Variants in NUP160 observed in about 807,000 individuals in gnomAD.
NUP160 encodes nuclear pore complex protein Nup160.
In NUP160, 94 loss-of-function variants were observed where a neutral mutation model predicts 196.9. The observed-to-expected ratio is 0.48, with a 90% CI of 0.40 to 0.57. NUP160 has a LOEUF of 0.57. NUP160 is among the 20% of genes least tolerant of loss of function. NUP160 has a pLI of 0.00. For synonymous variants in NUP160, 605 were observed against 619.7 expected, an observed-to-expected ratio of 0.98 and a Z score of 0.35; for missense variants, 1,638 against 1,748.3, an observed-to-expected ratio of 0.94 and a Z score of 1.13.
At chr11:47,837,080 A>G in intron 5 of NUP160, 79 bp from the exon 6 acceptor site, 1 of 750,068 alleles carries the variant, frequency 1.3e-6, no homozygotes, top group South Asian at 1.7e-5. Flanking sequence ...AAGAAATATA[A>G]TAAAATTATA....
chr11:47,818,232 CTTCTATATGTGGGCAATAACA>C lies in NUP160; in HGVS notation c.1363-129_1363-109del. ...ACTATATGAACATTGCCATTTTGCCCTTCTATATGTGGGCAATAACAGTAGTGCGGTTACATGTTTTCACAC... is the reference window on the plus strand; with the variant it reads ...ACTATATGAACATTGCCATTTTGCCCGTAGTGCGGTTACATGTTTTCACAC... On this transcript the variant is annotated intron_variant, in intron 10 of 35. Transcript: ENST00000378460. 3 of 706,194 alleles carry C rather than the reference CTTCTATATGTGGGCAATAACA, an allele frequency of 4.2e-6. No individual in the cohort carries two copies. In the South Asian group the frequency reaches 5.0e-5, roughly 12 times the overall value. The allele number at this position is 706,194 out of a possible 1,614,324, so 43.7% of individuals were successfully genotyped here. A position where few individuals can be genotyped will look rare whatever the true frequency, so the allele number is the denominator to read the frequency against.
chr11:47,801,795 C>T lies in NUP160; in HGVS notation c.2895+16G>A, dbSNP rs369790346. On this transcript the variant is annotated intron_variant, in intron 23 of 35. Transcript: ENST00000378460. The stretch of plus-strand genomic sequence containing the variant: ...TTACACAGGGTGGTATAAGGCCAAA[C>T]CAAGACATGATGTACCTTGTCATAA... The T allele has an allele frequency of 2.5e-6, 4 of 1,612,236 alleles. No individual in the cohort carries two copies. In the African/African-American group the frequency reaches 5.3e-5, roughly 22 times the overall value.
At chr11:47,827,163 T>C (rs1183446055) in intron 7 of NUP160, 1 of 455,810 alleles carries the variant, frequency 2.2e-6, no homozygotes, top group Non-Finnish European at 4.4e-6. Flanking sequence ...ACTCAGGAGT[T>C]TGAGACCAGG....
At chr11:47,786,830 C>T (rs2097664793) in intron 31 of NUP160, among the ~76,000 whole-genome samples, 1 of 151,984 alleles carries the variant, frequency 6.6e-6, no homozygotes, top group Non-Finnish European at 1.5e-5. Flanking sequence ...GCTCTGTCAC[C>T]CAGGCTGCAG....
At chr11:47,791,788 C>A in intron 29 of NUP160, 142 bp downstream of exon 29, 1 of 592,432 alleles carries the variant, frequency 1.7e-6, no homozygotes, top group Non-Finnish European at 2.9e-6. Context: ...TTGTGTTTTA[C>A]AAGGGCAACT....
At chr11:47,785,798 TAATTTAGGGGTTGAAAACTAATGTCAG>T (rs1408402203) in intron 32 of NUP160, among the ~76,000 whole-genome samples, 2 of 152,240 alleles carry the variant, frequency 1.3e-5, no homozygotes, top group East Asian at 3.8e-4. Flanking sequence ...TCTGATGTGC[TAATTTAGGGGTTGAAAACTAATGTCAG>T]AGAACTTCCA....
intron 2 of NUP160, among the ~76,000 whole-genome samples, chr11:47,843,456 T>C (rs1308639646): frequency 2.6e-5 from 4 of 152,216 alleles, no homozygotes; most frequent in African/African-American, 9.6e-5. Context: ...CTCACTTCAG[T>C]TACTCCTTCT....
At chr11:47,845,664 A>G (rs968032434) in intron 2 of NUP160, among the ~76,000 whole-genome samples, 4 of 152,106 alleles carry the variant, frequency 2.6e-5, no homozygotes, top group African/African-American at 9.7e-5. Flanking sequence ...CTGTTCCCTA[A>G]AAACGGACTG....
chr11:47,821,907 G>C, intron 8 of NUP160, 86 bp from the exon 9 acceptor site: 8 of 1,127,814 alleles, frequency 7.1e-6, no homozygotes, highest in Non-Finnish European at 1.1e-5. Context: ...AGTAGGAGAG[G>C]TAAATGTATG....
intron 17 of NUP160, among the ~76,000 whole-genome samples, chr11:47,811,136 A>G (rs765585496): frequency 6.6e-6 from 1 of 152,194 alleles, no homozygotes; most frequent in Non-Finnish European, 1.5e-5. Context: ...AATGAAAAAG[A>G]AAGCACAGAA....
intron 2 of NUP160, among the ~76,000 whole-genome samples, chr11:47,845,872 C>A (rs1852391151): frequency 6.6e-6 from 1 of 152,112 alleles, no homozygotes; most frequent in African/African-American, 2.4e-5. Context: ...GTGGCTTACG[C>A]CTGTAATCCT....
At chr11:47,783,376 GA>G (rs374318157) in intron 33 of NUP160, among the ~76,000 whole-genome samples, 178 bp from the exon 34 acceptor site, 14 of 145,508 alleles carry the variant, frequency 9.6e-5, no homozygotes, top group Middle Eastern at 3.6e-3. Flanking sequence ...GGGGAGTTAG[GA>G]AAAAAAAAAA....
intron 17 of NUP160, among the ~76,000 whole-genome samples, chr11:47,811,608 G>A (rs1227019614): frequency 6.6e-6 from 1 of 152,060 alleles, no homozygotes; most frequent in Non-Finnish European, 1.5e-5. Context: ...GAGCCAACTT[G>A]GGAAAATTTT....
chr11:47,783,010 C>T (rs920897453), intron 34 of NUP160, 63 bp downstream of exon 34: 3 of 1,399,656 alleles, frequency 2.1e-6, no homozygotes, highest in Non-Finnish European at 3.0e-6. Flanking sequence ...TTTCAAACCA[C>T]TGTAAAGTTG....
intron 2 of NUP160, among the ~76,000 whole-genome samples, chr11:47,844,558 A>C (rs1852364303): frequency 1.3e-5 from 2 of 152,102 alleles, no homozygotes; most frequent in Non-Finnish European, 2.9e-5. Flanking sequence ...CTCCACCTGA[A>C]ATACTCATTC....
At chr11:47,812,245 G>C in intron 16 of NUP160, 21 bp from the exon 17 acceptor site, 1 of 1,613,776 alleles carries the variant, frequency 6.2e-7, no homozygotes, top group Non-Finnish European at 8.5e-7. Context: ...AAGAAAAATG[G>C]AGTTGAATGC....
chr11:47,798,956 AAAGC>A (rs1322278074), intron 23 of NUP160, among the ~76,000 whole-genome samples: 1 of 151,950 alleles, frequency 6.6e-6, no homozygotes, highest in Non-Finnish European at 1.5e-5. Context: ...AAAAAAAAAA[AAAGC>A]AAGCTTGTTG....
intron 2 of NUP160, 57 bp from the exon 3 acceptor site, chr11:47,840,645 A>G (rs1852277496): frequency 7.5e-7 from 1 of 1,341,626 alleles, no homozygotes; most frequent in Non-Finnish European, 1.0e-6. Flanking sequence ...TGACTGTTCT[A>G]CTGAAATATA....
Position 47,839,849 on chromosome 11 carries a change from T to C in NUP160, c.742A>G (p.Ile248Val), listed in dbSNP as rs1357393330. 3 of 1,611,422 alleles carry C rather than the reference T, an allele frequency of 1.9e-6. No individual in the cohort carries two copies. In the South Asian group the frequency reaches 3.3e-5, roughly 18 times the overall value. Residue 248 changes from isoleucine (I) to valine (V), a missense_variant, in exon 4 of 36, where the codon ATA becomes GTA. By Grantham distance (29) the Ile-to-Val change is conservative. Around this residue, in one of 3 missense-constraint regions of NUP160, gnomAD observed 1,345 missense variants for 1,470.2 expected, o/e 0.91. Transcript: ENST00000378460. Reference sequence around the variant, plus strand: ...GCTCAGTTCCCATTCTTACCAGGTATGTCATAAGGAGGTAGCTTAAGAACA... The same window carrying C: ...GCTCAGTTCCCATTCTTACCAGGTACGTCATAAGGAGGTAGCTTAAGAACA...
Sources: gnomAD v4.1 joint callset for allele counts (sites outside exome capture counted in the v4.1 genomes callset) on GRCh38, gnomAD v4.1.1 for gene constraint, gnomAD v4.1.1 regional missense constraint, MANE v1.5 for transcripts, NCBI Gene and HGNC (gene_info 2026-07-23, HGNC 2026-07-21) for gene names.